The following TG variants were observed in gnomAD, a reference collection of about 807,000 sequenced individuals.
TG encodes the protein thyroglobulin.
Under a neutral mutation model 324.7 loss-of-function variants are expected in TG, and 270 were observed. The ratio of observed to expected loss-of-function variants is 0.83; its 90% CI spans 0.75 to 0.92. TG has a LOEUF of 0.92. Among genes scored for constraint, TG ranks in the 40% least tolerant of loss-of-function variants. TG has a pLI of 0.00. For synonymous variants in TG, 1,401 were observed against 1,327.0 expected (o/e 1.06, Z -1.21); for missense variants, 3,591 against 3,456.4 (o/e 1.04, Z -0.98).
At chr8:132,906,316 G>A (rs1818672810) in intron 16 of TG, among the ~76,000 whole-genome samples, 1 of 152,134 alleles carries the variant, frequency 6.6e-6, no homozygotes, top group South Asian at 2.1e-4. Context: ...TGTGCCTGGG[G>A]GACTGAGGCA....
intron 41 of TG, chr8:133,038,529 C>A: frequency 6.2e-7 from 1 of 1,609,470 alleles, no homozygotes; most frequent in Non-Finnish European, 8.5e-7. Flanking sequence ...CTTGGCTAGT[C>A]CTCAAAGTAA....
intron 43 of TG, among the ~76,000 whole-genome samples, chr8:133,100,441 G>C (rs892215919): frequency 6.6e-6 from 1 of 152,158 alleles, no homozygotes; most frequent in African/African-American, 2.4e-5. Flanking sequence ...TTCTAGTTCT[G>C]CTAGACAAAT....
rs1461163094 is a variant in TG, at chr8:132,913,125, A to G, written c.4238A>G (p.Asp1413Gly). Residue 1413 changes from aspartate to glycine, a missense_variant, in exon 20 of 48, where the codon GAC (aspartate) becomes GGC (glycine). Asp to Gly is a moderately conservative substitution (Grantham distance 94). Transcript: ENST00000220616. ...AGTGGCTCATTCCAGCTTCATCTGG[A>G]CTCCAAGACGTTCCCAGCGGAAACC... ...IQSGSFQLHLDSKTFPAETIR... is the reference protein window; with the variant it reads ...IQSGSFQLHLGSKTFPAETIR... 6.2e-7 allele frequency: 1 copy of G among 1,613,812 alleles called. No individual in the cohort carries two copies. Among genetic ancestry groups the G allele is most frequent in the South Asian group, 1.1e-5 (1 of 91,058 alleles).
At chr8:132,876,866 AC>A (rs1813878081) in intron 5 of TG, among the ~76,000 whole-genome samples, 1 of 152,158 alleles carries the variant, frequency 6.6e-6, no homozygotes, top group Non-Finnish European at 1.5e-5. Context: ...TTCTTTATTA[AC>A]CCTTGTCCTT....
intron 44 of TG, among the ~76,000 whole-genome samples, chr8:133,113,918 G>T (rs180880183): frequency 6.6e-6 from 1 of 152,200 alleles, no homozygotes; most frequent in East Asian, 1.9e-4. Context: ...CCTGGTGCAC[G>T]CTCCACCTGA....
chr8:133,068,071 G>T (rs2739146), intron 41 of TG, among the ~76,000 whole-genome samples: 92,666 of 151,710 alleles, frequency 0.61, 28,796 homozygotes, highest in East Asian at 0.79. Context: ...CTCTTGATAG[G>T]ATACCTCAAT....
chr8:132,989,615 C>A (rs772741773), intron 35 of TG, among the ~76,000 whole-genome samples: 6 of 152,218 alleles, frequency 3.9e-5, no homozygotes, highest in Non-Finnish European at 8.8e-5. Context: ...ATGGAAACAG[C>A]AGTGGCTGCC....
At chr8:132,953,063 C>T (rs2130174125) in intron 27 of TG, among the ~76,000 whole-genome samples, 1 of 152,334 alleles carries the variant, frequency 6.6e-6, no homozygotes, top group East Asian at 1.9e-4. Flanking sequence ...TCAGACATCA[C>T]TTTGGGGCCA....
At chr8:133,116,005 C>T (rs377664687) in intron 44 of TG, among the ~76,000 whole-genome samples, 12 of 152,186 alleles carry the variant, frequency 7.9e-5, no homozygotes, top group South Asian at 4.2e-4. Context: ...GACCCCCACA[C>T]ACTAGATGCC....
At chr8:132,917,031 C>CCTTCCTTCCT (rs1563951757) in intron 20 of TG, among the ~76,000 whole-genome samples, 2 of 77,100 alleles carry the variant, frequency 2.6e-5, no homozygotes, top group African/African-American at 8.1e-5. Flanking sequence ...CCATGCCTCC[C>CCTTCCTTCCT]TCCCTCCCTC....
intron 11 of TG, among the ~76,000 whole-genome samples, chr8:132,896,438 G>A (rs906247086): frequency 5.9e-5 from 9 of 152,194 alleles, no homozygotes; most frequent in African/African-American, 1.4e-4. Context: ...GGTGGGGAGT[G>A]GGGAGAACTG....
intron 37 of TG, among the ~76,000 whole-genome samples, chr8:133,016,165 C>T (rs1482036994): frequency 1.3e-5 from 2 of 152,126 alleles, no homozygotes; most frequent in African/African-American, 4.8e-5. Context: ...GCATAAAACC[C>T]AGATCTGCTT....
chr8:132,871,631 G>A lies in TG; in HGVS notation c.478+80G>A, dbSNP rs1369345797. The A allele has an allele frequency of 4.2e-6, 6 of 1,438,214 alleles. 1 individual carries two copies. In the Admixed American group the frequency reaches 8.1e-5, roughly 19 times the overall value. The allele number at this position is 1,438,214 out of a possible 1,614,324, so 89.1% of individuals were successfully genotyped here. A position where few individuals can be genotyped will look rare whatever the true frequency, so the allele number is the denominator to read the frequency against. On this transcript the variant is annotated intron_variant, in intron 4 of 47. Coordinates refer to ENST00000220616, the MANE Select transcript of TG (RefSeq NM_003235.5). ...CTCACTGCGATCCAACACATTTAGG[G>A]TTTCCTGCCGAAGTGGGCAGAGAAC...
chr8:132,969,927 A>G (rs1829252258), intron 32 of TG, among the ~76,000 whole-genome samples: 1 of 150,928 alleles, frequency 6.6e-6, no homozygotes, highest in South Asian at 2.1e-4. Context: ...AAAAAAAAAA[A>G]AAAAAAGCAC....
At chr8:132,885,913 G>A (rs1345059216) in intron 8 of TG, among the ~76,000 whole-genome samples, 4 of 152,164 alleles carry the variant, frequency 2.6e-5, no homozygotes, top group Non-Finnish European at 5.9e-5. Context: ...ATCTGTGCCT[G>A]TGTCTTCACA....
At chr8:132,962,941 G>A in intron 28 of TG, 53 bp from the exon 29 acceptor site, 1 of 1,541,946 alleles carries the variant, frequency 6.5e-7, no homozygotes, top group Non-Finnish European at 9.0e-7. Flanking sequence ...GTTGACCAGT[G>A]GAGTACTACC....
At chr8:133,092,789 T>C (rs1458479161) in intron 41 of TG, among the ~76,000 whole-genome samples, 2 of 152,192 alleles carry the variant, frequency 1.3e-5, no homozygotes, top group African/African-American at 2.4e-5. Context: ...TGCTTTAAAA[T>C]GAAGGCTGAG....
intron 34 of TG, among the ~76,000 whole-genome samples, chr8:132,976,917 G>T (rs1464658662): frequency 6.6e-6 from 1 of 152,182 alleles, no homozygotes; most frequent in Non-Finnish European, 1.5e-5. Flanking sequence ...TTCCTCCTAA[G>T]ACCTAGTTTG....
intron 41 of TG, among the ~76,000 whole-genome samples, chr8:133,041,784 G>GTTTTT (rs529937626): frequency 1.6e-5 from 2 of 124,422 alleles, no homozygotes; most frequent in African/African-American, 6.3e-5. Context: ...CTTGTGGTCA[G>GTTTTT]TTTTTTTTTT....
Sources: allele counts gnomAD v4.1 joint callset (sites outside exome capture counted in the v4.1 genomes callset), GRCh38; gene constraint gnomAD v4.1.1; transcripts MANE v1.5; gene names NCBI Gene and HGNC (gene_info 2026-07-23, HGNC 2026-07-21).